Variants in PPP3CA observed in about 807,000 individuals in gnomAD.
The protein encoded by PPP3CA is CAM-PRP catalytic subunit.
PPP3CA carries 14 observed loss-of-function variants against 66.5 expected under a neutral mutation model. That is an observed-to-expected ratio of 0.21 (90% CI 0.14 to 0.33). The LOEUF (loss-of-function observed/expected upper bound fraction) is 0.33, where lower values mean the gene tolerates loss of function less well. PPP3CA is among the 10% of genes least tolerant of loss of function. The pLI, the probability that PPP3CA is intolerant of heterozygous loss-of-function variation, is 1.00. For synonymous variants in PPP3CA, 232 were observed against 226.2 expected, an observed-to-expected ratio of 1.03 and a Z score of -0.23; for missense variants, 317 against 639.5, an observed-to-expected ratio of 0.50 and a Z score of 5.44.
At chr4:101,313,394 A>G (rs938846712) in intron 1 of PPP3CA, among the ~76,000 whole-genome samples, 1 of 152,148 alleles carries the variant, frequency 6.6e-6, no homozygotes, top group Non-Finnish European at 1.5e-5. Context: ...ACAAGTAGAG[A>G]GTCATCTTCA....
intron 1 of PPP3CA, among the ~76,000 whole-genome samples, chr4:101,339,299 C>A (rs1288040273): frequency 2.0e-5 from 3 of 152,128 alleles, no homozygotes; most frequent in Non-Finnish European, 4.4e-5. Flanking sequence ...AACTAAAATA[C>A]ACAAATCATC....
At chr4:101,132,602 A>G (rs1030633092) in intron 2 of PPP3CA, among the ~76,000 whole-genome samples, 1 of 152,210 alleles carries the variant, frequency 6.6e-6, no homozygotes, top group Non-Finnish European at 1.5e-5. Flanking sequence ...TTGAGGCAGT[A>G]ATTAATAGCC....
intron 1 of PPP3CA, among the ~76,000 whole-genome samples, chr4:101,265,277 T>A (rs533226388): frequency 4.6e-5 from 7 of 152,148 alleles, no homozygotes; most frequent in African/African-American, 7.2e-5. Flanking sequence ...TTATTTATTT[T>A]TTTTATTTAT....
In PPP3CA at chr4:101,135,680, G is replaced by C. The variant is rs886351842; in HGVS notation, c.260-26602C>G. On this transcript the variant is annotated intron_variant, in intron 2 of 13. Transcript: ENST00000394854. ...CCCACTTAGTTCAACTGAAGAAAAA[G>C]AAAATTCATTTATAACAAGAAAACC... is the stretch of plus-strand genomic sequence containing the variant. 6.6e-5 allele frequency among the ~76,000 whole-genome samples: 10 copies of C among 152,120 alleles called. No homozygotes were observed. In the South Asian group the frequency reaches 8.3e-4, roughly 13 times the overall value.
At chr4:101,333,109 T>C (rs1032175073) in intron 1 of PPP3CA, among the ~76,000 whole-genome samples, 1 of 146,074 alleles carries the variant, frequency 6.8e-6, no homozygotes, top group Non-Finnish European at 1.5e-5. Flanking sequence ...CTTTCTTTTT[T>C]TTTTTTTTTT....
intron 2 of PPP3CA, among the ~76,000 whole-genome samples, chr4:101,189,259 T>A (rs536420056): frequency 6.6e-6 from 1 of 152,160 alleles, no homozygotes; most frequent in Non-Finnish European, 1.5e-5. Flanking sequence ...TATCATAATT[T>A]ACTATGTACA....
intron 6 of PPP3CA, among the ~76,000 whole-genome samples, chr4:101,086,083 A>T (rs547596667): frequency 6.6e-6 from 1 of 152,186 alleles, no homozygotes; most frequent in Non-Finnish European, 1.5e-5. Flanking sequence ...TTAGGAACAT[A>T]AAGCATTATA....
intron 2 of PPP3CA, among the ~76,000 whole-genome samples, chr4:101,123,337 G>C (rs1360610739): frequency 1.3e-5 from 2 of 152,130 alleles, no homozygotes. Context: ...GCTCATCAAT[G>C]GTGAACTTGA....
At chr4:101,172,820 A>C (rs905512946) in intron 2 of PPP3CA, among the ~76,000 whole-genome samples, 8 of 152,152 alleles carry the variant, frequency 5.3e-5, no homozygotes, top group African/African-American at 1.9e-4. Flanking sequence ...CATTCTTTCT[A>C]AAACCCACGT....
At chr4:101,174,992 G>A (rs945422411) in intron 2 of PPP3CA, among the ~76,000 whole-genome samples, 1 of 152,148 alleles carries the variant, frequency 6.6e-6, no homozygotes, top group Non-Finnish European at 1.5e-5. Context: ...TCCATGTTCA[G>A]GGGGAAGTCA....
At chr4:101,220,529 C>T (rs1725593387) in intron 1 of PPP3CA, among the ~76,000 whole-genome samples, 3 of 151,666 alleles carry the variant, frequency 2.0e-5, no homozygotes, top group South Asian at 4.1e-4. Flanking sequence ...ATAAAAAGAT[C>T]TAGCTTTTCT....
At chr4:101,126,882 A>G (rs1722261195) in intron 2 of PPP3CA, among the ~76,000 whole-genome samples, 1 of 152,224 alleles carries the variant, frequency 6.6e-6, no homozygotes, top group African/African-American at 2.4e-5. Flanking sequence ...TTAATAGTAC[A>G]TTAACACTTT....
chr4:101,230,777 C>G (rs1324744175), intron 1 of PPP3CA, among the ~76,000 whole-genome samples: 1 of 151,656 alleles, frequency 6.6e-6, no homozygotes, highest in African/African-American at 2.4e-5. Context: ...ACAAACAGAA[C>G]CCAATCTGCT....
intron 1 of PPP3CA, among the ~76,000 whole-genome samples, chr4:101,231,267 C>G (rs1725951893): frequency 6.6e-6 from 1 of 151,590 alleles, no homozygotes; most frequent in Non-Finnish European, 1.5e-5. Context: ...TCTGTAAGAG[C>G]AAAGCAAGAA....
At chr4:101,280,819 CAAAA>C (rs5860668) in intron 1 of PPP3CA, among the ~76,000 whole-genome samples, 1 of 84,604 alleles carries the variant, frequency 1.2e-5, no homozygotes, top group African/African-American at 3.8e-5. Context: ...GACTCAGTCT[CAAAA>C]AAAAAAAAAA....
At chr4:101,154,315 C>A (rs1009225118) in intron 2 of PPP3CA, among the ~76,000 whole-genome samples, 1 of 152,068 alleles carries the variant, frequency 6.6e-6, no homozygotes, top group Admixed American at 6.5e-5. Flanking sequence ...GAAACATTTT[C>A]AAACCCAAAG....
intron 11 of PPP3CA, among the ~76,000 whole-genome samples, chr4:101,038,726 A>G (rs1273749278): frequency 6.6e-6 from 1 of 152,148 alleles, no homozygotes; most frequent in Non-Finnish European, 1.5e-5. Context: ...TTTGGTATCT[A>G]GATTGCCTAA....
At chr4:101,184,387 A>G (rs1223700906) in intron 2 of PPP3CA, among the ~76,000 whole-genome samples, 1 of 152,182 alleles carries the variant, frequency 6.6e-6, no homozygotes, top group Non-Finnish European at 1.5e-5. Flanking sequence ...TTCTTTATCT[A>G]TAACTGTGCT....
intron 11 of PPP3CA, among the ~76,000 whole-genome samples, chr4:101,035,248 G>A (rs534720597): frequency 1.3e-4 from 19 of 151,984 alleles, no homozygotes; most frequent in African/African-American, 4.3e-4. Flanking sequence ...CAGCCAGAGC[G>A]CAAGAGCGAG....
Sources: gnomAD v4.1 joint callset for allele counts (sites outside exome capture counted in the v4.1 genomes callset) on GRCh38, gnomAD v4.1.1 for gene constraint, MANE v1.5 for transcripts, NCBI Gene and HGNC (gene_info 2026-07-23, HGNC 2026-07-21) for gene names.